TMEM71: variants seen among roughly 807,000 people sequenced by gnomAD.
TMEM71 encodes transmembrane protein 71.
TMEM71 carries 44 observed loss-of-function variants against 38.0 expected under a neutral mutation model. The ratio of observed to expected loss-of-function variants is 1.16; its 90% CI spans 0.91 to 1.49. The LOEUF is 1.49. Ranked by LOEUF, TMEM71 falls within the 40% of genes most tolerant of loss-of-function variation. The pLI, the probability that TMEM71 is intolerant of heterozygous loss-of-function variation, is 0.00. For missense variants in TMEM71, 367 were observed against 348.6 expected (o/e 1.05, Z -0.42); for synonymous variants, 133 against 122.5 (o/e 1.09, Z -0.56).
At chr8:132,753,883 C>G (rs1412864506) in intron 3 of TMEM71, among the ~76,000 whole-genome samples, 1 of 152,174 alleles carries the variant, frequency 6.6e-6, no homozygotes, top group South Asian at 2.1e-4. Flanking sequence ...TCTTTCCCTT[C>G]CTTTTCTGTT....
Position 132,719,761 on chromosome 8 carries a change from G to C in TMEM71, c.752+2279C>G, listed in dbSNP as rs117808780. 3.5e-4 allele frequency among the ~76,000 whole-genome samples: 53 copies of C among 152,330 alleles called. 1 individual carries two copies. In the East Asian group the frequency reaches 8.9e-3, roughly 25 times the overall value. On this transcript the variant is annotated intron_variant, in intron 7 of 9. Transcript: ENST00000677595. The stretch of plus-strand genomic sequence containing the variant: ...ACAGAGGGTTCTCATGTGGTCTCCA[G>C]TCAGCTTCCTCTATTATTATTACTG...
upstream of TMEM71, among the ~76,000 whole-genome samples, chr8:132,762,206 C>T (rs536985212): frequency 4.6e-5 from 7 of 152,240 alleles, no homozygotes; most frequent in Non-Finnish European, 1.0e-4. Flanking sequence ...AATATAGTCA[C>T]ATTTACTCAA....
chr8:132,728,056 A>T, intron 5 of TMEM71, 70 bp from the exon 6 acceptor site: 7 of 1,170,772 alleles, frequency 6.0e-6, no homozygotes, highest in South Asian at 2.9e-5. Flanking sequence ...GTGTTCAGTG[A>T]CTGCTCAATG....
intron 1 of TMEM71, chr8:132,759,581 A>C (rs1829218475): frequency 6.6e-6 from 1 of 152,214 alleles, no homozygotes; most frequent in Non-Finnish European, 1.5e-5. Context: ...AATTATGCAA[A>C]CTTTGATCAT....
chr8:132,747,192 A>G (rs1586802069), intron 4 of TMEM71, 78 bp from the exon 5 acceptor site: 2 of 1,274,060 alleles, frequency 1.6e-6, no homozygotes, highest in East Asian at 5.2e-5. Flanking sequence ...AGCGCAGAGT[A>G]CATTTCTACA....
intron 5 of TMEM71, among the ~76,000 whole-genome samples, chr8:132,741,681 A>C (rs1391243675): frequency 6.6e-6 from 1 of 152,070 alleles, no homozygotes; most frequent in Non-Finnish European, 1.5e-5. Flanking sequence ...ACCTTCACTA[A>C]TTTACTACTG....
At chr8:132,757,321 G>A in intron 2 of TMEM71, 27 bp from the exon 3 acceptor site, 1 of 1,542,028 alleles carries the variant, frequency 6.5e-7, no homozygotes, top group Non-Finnish European at 9.0e-7. Context: ...GAGAGAAGTA[G>A]AATGTATCAT....
chr8:132,761,145 T>C (rs970261777), upstream of TMEM71, among the ~76,000 whole-genome samples: 2 of 152,220 alleles, frequency 1.3e-5, no homozygotes, highest in African/African-American at 4.8e-5. Context: ...TATGGGTTCA[T>C]ACACATCTGT....
the TMEM71 span, among the ~76,000 whole-genome samples, chr8:132,769,924 A>G: frequency 6.6e-6 from 1 of 152,320 alleles, no homozygotes; most frequent in South Asian, 2.1e-4. Context: ...TGTCTGCCAT[A>G]TTTCAGGATG....
At chr8:132,728,097 G>A (rs1288095012) in intron 5 of TMEM71, 111 bp from the exon 6 acceptor site, 2 of 789,226 alleles carry the variant, frequency 2.5e-6, no homozygotes, top group Non-Finnish European at 3.9e-6. Flanking sequence ...CACAAAAATA[G>A]TAATATTGAT....
chr8:132,719,822 T>TA (rs1826741854), intron 7 of TMEM71, among the ~76,000 whole-genome samples: 1 of 152,206 alleles, frequency 6.6e-6, no homozygotes, highest in Admixed American at 6.5e-5. Flanking sequence ...CATGGTAATG[T>TA]ACCAACACTG....
the TMEM71 span, among the ~76,000 whole-genome samples, chr8:132,772,930 G>A: frequency 6.6e-6 from 1 of 152,170 alleles, no homozygotes; most frequent in Non-Finnish European, 1.5e-5. Flanking sequence ...ATTTTAAAAT[G>A]AGATAGACTC....
At chr8:132,759,555 C>T (rs1829216666) in intron 1 of TMEM71, 1 of 152,206 alleles carries the variant, frequency 6.6e-6, no homozygotes, top group Non-Finnish European at 1.5e-5. Flanking sequence ...TAATTAAAAA[C>T]ATATCAAAGT....
intron 7 of TMEM71, among the ~76,000 whole-genome samples, chr8:132,721,516 G>A (rs1384971292): frequency 6.6e-6 from 1 of 150,882 alleles, no homozygotes; most frequent in Non-Finnish European, 1.5e-5. Context: ...GGTTTTGTAT[G>A]CTTTCTAGGT....
intron 5 of TMEM71, among the ~76,000 whole-genome samples, chr8:132,745,627 A>G (rs2131148555): frequency 6.6e-6 from 1 of 152,274 alleles, no homozygotes; most frequent in Middle Eastern, 3.4e-3. Flanking sequence ...AAATTTCTCA[A>G]AGACCTTAGA....
Position 132,757,308 on chromosome 8 carries a change from TG to T in TMEM71, c.41-15del. On this transcript the variant is annotated splice_polypyrimidine_tract_variant and intron_variant, in intron 2 of 9. Transcript: ENST00000677595. ...ACCTGGAAGAACCTGCATAAACAAA[TG>T]AGAGAGAAGTAGAATGTATCATACC... The T allele has an allele frequency of 1.9e-6, 3 of 1,581,136 alleles. No homozygotes were observed. The highest frequency in any genetic ancestry group is 2.6e-6 in the Non-Finnish European group (3 of 1,151,584).
chr8:132,759,042 G>A (rs1449782568), intron 1 of TMEM71, 127 bp from the exon 2 acceptor site: 2 of 622,330 alleles, frequency 3.2e-6, no homozygotes, highest in Non-Finnish European at 5.7e-6. Flanking sequence ...ATACAGAATT[G>A]AAGGTAGGAG....
intron 4 of TMEM71, among the ~76,000 whole-genome samples, chr8:132,750,251 G>T (rs541066125): frequency 5.9e-5 from 9 of 152,244 alleles, no homozygotes; most frequent in African/African-American, 2.2e-4. Context: ...AAAGAAAGGT[G>T]ACCTTTTCTA....
At chr8:132,727,710 C>A in intron 6 of TMEM71, 88 bp downstream of exon 6, 1 of 1,246,152 alleles carries the variant, frequency 8.0e-7, no homozygotes, top group Non-Finnish European at 1.1e-6. Context: ...CAGCTCCTAA[C>A]TGCATTTTAG....
Sources: allele counts gnomAD v4.1 joint callset (sites outside exome capture counted in the v4.1 genomes callset), GRCh38; gene constraint gnomAD v4.1.1; transcripts MANE v1.5; gene names NCBI Gene and HGNC (gene_info 2026-07-23, HGNC 2026-07-21).